Variants in ERBIN observed in about 807,000 individuals in gnomAD.
ERBIN encodes erbb2 interacting protein.
A neutral mutation model predicts 158.4 loss-of-function variants in ERBIN; 60 were observed. That is an observed-to-expected ratio of 0.38 (90% CI 0.31 to 0.47). The LOEUF (loss-of-function observed/expected upper bound fraction) is 0.47, where lower values mean the gene tolerates loss of function less well. Ranked by LOEUF, ERBIN falls within the 20% of genes least tolerant of loss-of-function variation. The pLI is 0.99. For missense variants in ERBIN, 1,610 were observed against 1,648.0 expected (o/e 0.98, Z 0.40); for synonymous variants, 594 against 557.2 (o/e 1.07, Z -0.93).
intron 3 of ERBIN, among the ~76,000 whole-genome samples, chr5:65,993,505 T>C (rs1291959031): frequency 3.3e-5 from 5 of 152,112 alleles, no homozygotes; most frequent in African/African-American, 1.2e-4. Flanking sequence ...CTTTTTTCAG[T>C]GTACTTTTTC....
chr5:65,949,826 T>C (rs1162305159), intron 1 of ERBIN, among the ~76,000 whole-genome samples: 1 of 152,210 alleles, frequency 6.6e-6, no homozygotes, highest in Non-Finnish European at 1.5e-5. Flanking sequence ...TTTAGTTTTA[T>C]GTCTTTTATT....
chr5:66,053,372 T>C, intron 20 of ERBIN, 34 bp from the exon 21 acceptor site: 2 of 1,320,950 alleles, frequency 1.5e-6, no homozygotes, highest in Non-Finnish European at 2.0e-6. Flanking sequence ...AACTCGGCTT[T>C]ATTATGTTTT....
chr5:65,945,591 A>T (rs1257530249), intron 1 of ERBIN, among the ~76,000 whole-genome samples: 1 of 152,212 alleles, frequency 6.6e-6, no homozygotes, highest in African/African-American at 2.4e-5. Flanking sequence ...CTTTGGATTT[A>T]TAACTTAAAA....
chr5:66,055,448 T>C (rs935005691), intron 21 of ERBIN, among the ~76,000 whole-genome samples: 2 of 152,198 alleles, frequency 1.3e-5, no homozygotes, highest in African/African-American at 2.4e-5. Flanking sequence ...TTCTTAACTT[T>C]TCTGAATTTC....
At chr5:65,947,579 T>A (rs1263951162) in intron 1 of ERBIN, among the ~76,000 whole-genome samples, 1 of 152,208 alleles carries the variant, frequency 6.6e-6, no homozygotes, top group African/African-American at 2.4e-5. Context: ...TACATTACTT[T>A]TAAGTAATTT....
chr5:65,948,596 C>T (rs1746095613), intron 1 of ERBIN, among the ~76,000 whole-genome samples: 1 of 151,838 alleles, frequency 6.6e-6, no homozygotes, highest in Non-Finnish European at 1.5e-5. Context: ...TTTTTTGTTT[C>T]TAACTTGACC....
intron 17 of ERBIN, among the ~76,000 whole-genome samples, 197 bp from the exon 18 acceptor site, chr5:66,046,156 A>T (rs937902484): frequency 6.6e-6 from 1 of 152,214 alleles, no homozygotes; most frequent in African/African-American, 2.4e-5. Flanking sequence ...AATGTGGCTC[A>T]TGGATCTTTG....
chr5:65,995,944 T>C (rs1482071360), intron 4 of ERBIN, among the ~76,000 whole-genome samples: 1 of 152,204 alleles, frequency 6.6e-6, no homozygotes, highest in African/African-American at 2.4e-5. Flanking sequence ...ATTTGCTGAT[T>C]TTTATGTCAG....
chr5:65,975,223 G>T (rs1191472532), intron 1 of ERBIN, among the ~76,000 whole-genome samples: 1 of 152,100 alleles, frequency 6.6e-6, no homozygotes, highest in Admixed American at 6.5e-5. Context: ...GGCCAGGCTG[G>T]TCTCAAATTC....
intron 1 of ERBIN, among the ~76,000 whole-genome samples, chr5:65,928,550 A>G (rs184214071): frequency 6.9e-4 from 105 of 152,356 alleles, no homozygotes; most frequent in African/African-American, 2.5e-3. Context: ...TAAATTTTGT[A>G]TAAAAAAAGT....
At chr5:65,930,749 T>C (rs1014671625) in intron 1 of ERBIN, among the ~76,000 whole-genome samples, 1 of 152,262 alleles carries the variant, frequency 6.6e-6, no homozygotes, top group African/African-American at 2.4e-5. Context: ...TGTTTTATTA[T>C]ACTTTTGGCC....
intron 4 of ERBIN, among the ~76,000 whole-genome samples, chr5:66,004,018 A>C (rs1411731297): frequency 1.4e-5 from 2 of 140,070 alleles, no homozygotes; most frequent in East Asian, 4.1e-4. Flanking sequence ...AGCTCACTGC[A>C]TCCCGAACTC....
Position 66,054,373 on chromosome 5 carries a change from C to A in ERBIN, c.3055C>A (p.Gln1019Lys). The A allele has an allele frequency of 1.2e-6, 2 of 1,614,126 alleles. No individual in the cohort carries two copies. The highest frequency in any genetic ancestry group is 1.1e-5 in the South Asian group (1 of 91,064). The change falls in exon 21 of 26, where the codon CAA becomes AAA. Residue 1019 changes from glutamine to lysine, a missense_variant. Around this residue, in one of 2 missense-constraint regions of ERBIN, gnomAD observed 1,014 missense variants for 936.1 expected, o/e 1.08. Transcript: ENST00000284037. ...TCCTAGATCAGAGAGCACAGAAAAT[C>A]AAAGTTATGCTAAACATTCTGCCAA... ...LLPRSESTEN[Q>K]SYAKHSANMN...
intron 4 of ERBIN, among the ~76,000 whole-genome samples, chr5:66,008,614 T>C (rs1017712272): frequency 6.6e-6 from 1 of 152,210 alleles, no homozygotes; most frequent in African/African-American, 2.4e-5. Flanking sequence ...GTCTTAGGTC[T>C]TTTTCTCTTT....
At chr5:66,067,752 A>G (rs1761137712) in intron 21 of ERBIN, among the ~76,000 whole-genome samples, 1 of 152,146 alleles carries the variant, frequency 6.6e-6, no homozygotes, top group African/African-American at 2.4e-5. Context: ...TTAGAGCAGC[A>G]GGAGCATTTT....
Position 66,080,432 on chromosome 5 carries a change from G to A in ERBIN, c.*1902G>A, listed in dbSNP as rs775413947. The A allele has an allele frequency of 9.9e-5, 15 of 151,468 alleles. No individual in the cohort carries two copies. The highest frequency in any genetic ancestry group is 1.9e-4 in the Non-Finnish European group (13 of 67,784). The allele number at this position is 151,468 out of a possible 1,614,324, so 9.4% of individuals were successfully genotyped here. A position where few individuals can be genotyped will look rare whatever the true frequency, so the allele number is the denominator to read the frequency against. ...TTTTTATGGATATAGTAGAAGAAAT[G>A]TGCTGTATTTTGATAAAATTCACTT... On this transcript the variant is annotated 3_prime_UTR_variant, in exon 26 of 26. Coordinates refer to ENST00000284037, the MANE Select transcript of ERBIN (RefSeq NM_001253697.2).
intron 21 of ERBIN, among the ~76,000 whole-genome samples, chr5:66,057,075 C>T (rs1759664641): frequency 6.6e-6 from 1 of 152,052 alleles, no homozygotes; most frequent in South Asian, 2.1e-4. Context: ...TTTTATAAAC[C>T]ACATTTTTAA....
Position 66,078,465 on chromosome 5 carries a change from G to A in ERBIN, c.4174G>A (p.Val1392Met). The change falls in exon 26 of 26, where the codon GTG (valine) becomes ATG (methionine). Residue 1392 changes from valine (V) to methionine (M), a missense_variant. Transcript: ENST00000284037. The stretch of plus-strand genomic sequence containing the variant: ...TATAAATATTGAACATGGACAAGCA[G>A]TGTCCTTGCTAAAAACTTTCCAGAA... Reference protein sequence around the residue: ...SFINIEHGQAVSLLKTFQNTV... With the variant: ...SFINIEHGQAMSLLKTFQNTV... The A allele has an allele frequency of 6.3e-7, 1 of 1,596,370 alleles. No homozygotes were observed. The highest frequency in any genetic ancestry group is 8.5e-7 in the Non-Finnish European group (1 of 1,174,922).
chr5:65,972,953 G>A lies in ERBIN; in HGVS notation c.-57-15682G>A, dbSNP rs368844185. ...TTTTGCCAATTCCTACGTTTTTTTC[G>A]GTTTCCTTTTGGTTCTTTTATTTCT... On this transcript the variant is annotated intron_variant, in intron 1 of 25. Coordinates refer to ENST00000284037, the MANE Select transcript of ERBIN (RefSeq NM_001253697.2). Among the ~76,000 whole-genome samples, 27 of 150,922 alleles carry A rather than the reference G, an allele frequency of 1.8e-4. 1 individual carries two copies. The highest frequency in any genetic ancestry group is 5.8e-4 in the East Asian group (3 of 5,178).
Sources: gnomAD v4.1 joint callset for allele counts (sites outside exome capture counted in the v4.1 genomes callset) on GRCh38, gnomAD v4.1.1 for gene constraint, gnomAD v4.1.1 regional missense constraint, MANE v1.5 for transcripts, NCBI Gene and HGNC (gene_info 2026-07-23, HGNC 2026-07-21) for gene names.